Variants in FYB2 observed in about 807,000 individuals in gnomAD.
FYB2 encodes FYN binding protein 2, also known as FYN-binding protein 2.
A neutral mutation model predicts 94.1 loss-of-function variants in FYB2; 103 were observed. The ratio of observed to expected loss-of-function variants is 1.09; its 90% confidence interval spans 0.93 to 1.29. The LOEUF is 1.29. FYB2 is among the 50% of genes most tolerant of loss of function. FYB2 has a pLI of 0.00. For synonymous variants in FYB2, 293 were observed against 287.9 expected (o/e 1.02, Z -0.18); for missense variants, 896 against 841.5 (o/e 1.06, Z -0.80).
At chr1:56,783,899 G>A (rs574752186) in intron 4 of FYB2, among the ~76,000 whole-genome samples, 5 of 152,258 alleles carry the variant, frequency 3.3e-5, no homozygotes, top group African/African-American at 1.2e-4. Flanking sequence ...TCTGAGCATA[G>A]ATTCTTGCCC....
the FYB2 span, chr1:56,824,790 C>A: frequency 6.6e-6 from 1 of 152,308 alleles, no homozygotes; most frequent in Non-Finnish European, 1.5e-5. Flanking sequence ...AGCCCAGGCT[C>A]ACACTGCCAA....
At chr1:56,809,520 A>G (rs1485028017) in intron 1 of FYB2, among the ~76,000 whole-genome samples, 6 of 152,132 alleles carry the variant, frequency 3.9e-5, no homozygotes, top group Non-Finnish European at 8.8e-5. Context: ...TTTTGCACAC[A>G]TGTCACTCTC....
intron 4 of FYB2, among the ~76,000 whole-genome samples, chr1:56,777,239 C>CAAAAAAAAAAAAAAAAAAA (rs1453236717): frequency 8.3e-4 from 4 of 4,798 alleles, no homozygotes; most frequent in Non-Finnish European, 7.8e-4. Flanking sequence ...GTCTCAAAAA[C>CAAAAAAAAAAAAAAAAAAA]AAAAAAAAAA....
At chr1:56,826,756 T>A in the FYB2 span, 1 of 152,210 alleles carries the variant, frequency 6.6e-6, no homozygotes, top group East Asian at 1.9e-4. Context: ...TGTGAGTCCT[T>A]CATAAACTCA....
chr1:56,824,515 A>G (rs1320151608), upstream of FYB2: 1 of 152,246 alleles, frequency 6.6e-6, no homozygotes, highest in East Asian at 1.9e-4. Flanking sequence ...GGAAAGTTCT[A>G]TCAAAGTCTA....
At chr1:56,783,626 GT>G (rs1646059774) in intron 4 of FYB2, among the ~76,000 whole-genome samples, 1 of 152,142 alleles carries the variant, frequency 6.6e-6, no homozygotes, top group South Asian at 2.1e-4. Flanking sequence ...ACGGTTGAGA[GT>G]TTGGGTAGGG....
intron 4 of FYB2, among the ~76,000 whole-genome samples, chr1:56,776,640 T>C (rs1026388627): frequency 1.3e-5 from 2 of 152,128 alleles, no homozygotes; most frequent in African/African-American, 4.8e-5. Flanking sequence ...CAGAGTGTCT[T>C]CTTTGAGGTG....
At chr1:56,780,291 G>A (rs1645978376) in intron 4 of FYB2, among the ~76,000 whole-genome samples, 1 of 152,148 alleles carries the variant, frequency 6.6e-6, no homozygotes, top group South Asian at 2.1e-4. Flanking sequence ...TCATATTTTA[G>A]CTCCACCCTA....
chr1:56,779,258 T>TAAAATATAAAATAAAATGA (rs1645953747), intron 4 of FYB2, among the ~76,000 whole-genome samples: 1 of 152,222 alleles, frequency 6.6e-6, no homozygotes, highest in South Asian at 2.1e-4. Flanking sequence ...ATAAAATGGA[T>TAAAATATAAAATAAAATGA]GCTAAGAGCT....
chr1:56,819,190 A>G (rs1646956165), intron 1 of FYB2, 92 bp downstream of exon 1: 1 of 1,556,374 alleles, frequency 6.4e-7, no homozygotes, highest in Non-Finnish European at 8.8e-7. Flanking sequence ...AGCACACACA[A>G]GCAGTTTTTC....
upstream of FYB2, among the ~76,000 whole-genome samples, chr1:56,822,518 G>A (rs1389603702): frequency 6.6e-6 from 1 of 152,182 alleles, no homozygotes; most frequent in Non-Finnish European, 1.5e-5. Flanking sequence ...GCGTAGCAGG[G>A]ATGACGTGCC....
At chr1:56,730,828 C>T (rs79493511) in intron 15 of FYB2, among the ~76,000 whole-genome samples, 16,429 of 151,876 alleles carry the variant, frequency 0.11, 1,027 homozygotes, top group African/African-American at 0.17. Flanking sequence ...GACAAGGATA[C>T]GAAAAAGAAA....
chr1:56,821,189 A>G (rs1359804175), upstream of FYB2, among the ~76,000 whole-genome samples: 1 of 152,174 alleles, frequency 6.6e-6, no homozygotes, highest in Non-Finnish European at 1.5e-5. Context: ...TGGGCTGTCA[A>G]ATTCCCTTTG....
chr1:56,774,777 A>T (rs1277881309), intron 4 of FYB2, among the ~76,000 whole-genome samples: 3 of 152,002 alleles, frequency 2.0e-5, no homozygotes, highest in Non-Finnish European at 4.4e-5. Flanking sequence ...CTGGGAGAGG[A>T]AGACCCACCC....
intron 15 of FYB2, 22 bp from the exon 16 acceptor site, chr1:56,726,605 G>C: frequency 6.3e-7 from 1 of 1,580,784 alleles, no homozygotes; most frequent in Non-Finnish European, 8.7e-7. Context: ...TATATTTTGA[G>C]CAAGTAAATT....
intron 1 of FYB2, among the ~76,000 whole-genome samples, chr1:56,795,958 A>G (rs1243536908): frequency 2.0e-5 from 3 of 152,174 alleles, no homozygotes; most frequent in East Asian, 1.9e-4. Flanking sequence ...CAGACCAAAC[A>G]TTGTTTTAGA....
intron 1 of FYB2, among the ~76,000 whole-genome samples, chr1:56,797,560 C>T (rs1248682647): frequency 6.6e-6 from 1 of 152,074 alleles, no homozygotes; most frequent in Non-Finnish European, 1.5e-5. Context: ...GTGTCCATAG[C>T]TTGGTAAATG....
chr1:56,789,784 C>T (rs1449112534), intron 2 of FYB2, among the ~76,000 whole-genome samples: 1 of 152,122 alleles, frequency 6.6e-6, no homozygotes, highest in African/African-American at 2.4e-5. Flanking sequence ...TATTGATCCC[C>T]CAGCACCAAG....
intron 5 of FYB2, among the ~76,000 whole-genome samples, chr1:56,762,675 C>A (rs976743699): frequency 6.6e-6 from 1 of 152,036 alleles, no homozygotes; most frequent in Admixed American, 6.5e-5. Context: ...GATAATCATG[C>A]CACTGTGAAT....
Sources: allele counts gnomAD v4.1 joint callset (sites outside exome capture counted in the v4.1 genomes callset), GRCh38; gene constraint gnomAD v4.1.1; transcripts MANE v1.5; gene names NCBI Gene and HGNC (gene_info 2026-07-23, HGNC 2026-07-21).